The following PTPRT variants were observed in gnomAD, a reference collection of about 807,000 sequenced individuals.
PTPRT encodes the protein protein tyrosine phosphatase receptor type T.
In PTPRT, 56 loss-of-function variants were observed where a neutral mutation model predicts 176.8. That is an observed-to-expected ratio of 0.32 (90% CI 0.26 to 0.40). The LOEUF is 0.40. Among genes scored for constraint, PTPRT ranks in the 10% least tolerant of loss-of-function variants. PTPRT has a pLI of 1.00. For missense variants in PTPRT, 1,540 were observed against 1,908.2 expected (o/e 0.81, Z 3.60); for synonymous variants, 783 against 739.0 (o/e 1.06, Z -0.96).
chr20:42,890,363 T>G (rs1357399340), intron 1 of PTPRT, among the ~76,000 whole-genome samples: 1 of 152,182 alleles, frequency 6.6e-6, no homozygotes, highest in Admixed American at 6.5e-5. Context: ...CAATAGCAAC[T>G]GACACTGACA....
intron 3 of PTPRT, among the ~76,000 whole-genome samples, chr20:42,784,050 C>T (rs1318663218): frequency 6.6e-6 from 1 of 152,142 alleles, no homozygotes; most frequent in Non-Finnish European, 1.5e-5. Context: ...ATTGCACATG[C>T]TCCAGCCCAT....
At chr20:43,133,513 AG>A (rs1167664281) in intron 1 of PTPRT, among the ~76,000 whole-genome samples, 1 of 152,112 alleles carries the variant, frequency 6.6e-6, no homozygotes, top group African/African-American at 2.4e-5. Flanking sequence ...TGGGAGGCCG[AG>A]GCAGGCGGAT....
intron 16 of PTPRT, among the ~76,000 whole-genome samples, chr20:42,180,733 G>T (rs900429181): frequency 1.3e-5 from 2 of 152,180 alleles, no homozygotes; most frequent in Non-Finnish European, 2.9e-5. Flanking sequence ...TGCAATCTTA[G>T]AAATCAGTGG....
At chr20:42,734,333 C>A (rs1235081032) in intron 6 of PTPRT, among the ~76,000 whole-genome samples, 1 of 152,194 alleles carries the variant, frequency 6.6e-6, no homozygotes, top group Admixed American at 6.5e-5. Context: ...TAAAGGACCA[C>A]TCTTAGCCCT....
At chr20:42,836,216 G>C (rs1020813428) in intron 2 of PTPRT, among the ~76,000 whole-genome samples, 1 of 151,828 alleles carries the variant, frequency 6.6e-6, no homozygotes, top group African/African-American at 2.4e-5. Context: ...TCCTCTCCCC[G>C]CCTCCCACAT....
intron 27 of PTPRT, among the ~76,000 whole-genome samples, chr20:42,086,393 C>A (rs1051133707): frequency 1.3e-4 from 20 of 152,202 alleles, no homozygotes; most frequent in Middle Eastern, 6.8e-3. Flanking sequence ...ACTGGGCTTG[C>A]AAATCTTTGC....
At chr20:42,676,542 T>TCTCG (rs1465667487) in intron 7 of PTPRT, among the ~76,000 whole-genome samples, 1 of 48,410 alleles carries the variant, frequency 2.1e-5, no homozygotes, top group Non-Finnish European at 3.6e-5. Flanking sequence ...TACAATGCTC[T>TCTCG]CTCTCTCTCT....
intron 22 of PTPRT, 150 bp downstream of exon 22, chr20:42,115,049 G>A: frequency 1.7e-6 from 1 of 603,370 alleles, no homozygotes; most frequent in Non-Finnish European, 3.0e-6. Flanking sequence ...CCTGGTAGCA[G>A]GACCCATGTC....
chr20:42,268,219 C>T (rs2056871723), intron 13 of PTPRT, among the ~76,000 whole-genome samples: 1 of 152,190 alleles, frequency 6.6e-6, no homozygotes, highest in South Asian at 2.1e-4. Context: ...CACTCACAGG[C>T]ACCTCACCCA....
intron 15 of PTPRT, 146 bp downstream of exon 15, chr20:42,236,083 T>G: frequency 3.2e-6 from 2 of 618,210 alleles, no homozygotes; most frequent in Non-Finnish European, 5.5e-6. Context: ...GTAACACATT[T>G]ATGCAAAATA....
intron 1 of PTPRT, among the ~76,000 whole-genome samples, chr20:43,185,100 T>G (rs1302648488): frequency 6.6e-6 from 1 of 152,222 alleles, no homozygotes; most frequent in Non-Finnish European, 1.5e-5. Flanking sequence ...GAATCCATTC[T>G]GTAAGATTTC....
At chr20:43,100,708 T>C (rs1432053635) in intron 1 of PTPRT, among the ~76,000 whole-genome samples, 4 of 152,114 alleles carry the variant, frequency 2.6e-5, no homozygotes. Context: ...CACAGCCTAA[T>C]GGGGAAAAGA....
At chr20:43,006,649 T>C (rs1043610524) in intron 1 of PTPRT, among the ~76,000 whole-genome samples, 1 of 152,266 alleles carries the variant, frequency 6.6e-6, no homozygotes, top group African/African-American at 2.4e-5. Flanking sequence ...TGAACTGTCT[T>C]TGTTTTTCTC....
At chr20:42,831,217 T>C (rs1338770132) in intron 2 of PTPRT, among the ~76,000 whole-genome samples, 1 of 152,006 alleles carries the variant, frequency 6.6e-6, no homozygotes, top group Admixed American at 6.6e-5. Context: ...AGCCCAGAAG[T>C]AAGGCCCCAC....
At chr20:42,687,998 T>A (rs750606380) in intron 6 of PTPRT, 1 of 151,946 alleles carries the variant, frequency 6.6e-6, no homozygotes, top group East Asian at 1.9e-4. Context: ...ACTAAAGGAG[T>A]GTGCTAGTAT....
At chr20:42,116,069 G>A in intron 21 of PTPRT, 1 of 725,640 alleles carries the variant, frequency 1.4e-6, no homozygotes, top group Admixed American at 1.9e-5. Context: ...GGCCTAGAGT[G>A]GCATTTCCCA....
chr20:42,541,504 G>A (rs533205531), intron 7 of PTPRT, among the ~76,000 whole-genome samples: 7 of 144,338 alleles, frequency 4.8e-5, no homozygotes, highest in Admixed American at 2.0e-4. Flanking sequence ...TAGTACTAGT[G>A]TACTAGTAAA....
intron 7 of PTPRT, among the ~76,000 whole-genome samples, chr20:42,541,344 T>C (rs185363209): frequency 6.6e-6 from 1 of 152,258 alleles, no homozygotes; most frequent in Admixed American, 6.5e-5. Context: ...AAGCATACTT[T>C]ACATTTCAGT....
In PTPRT at chr20:43,189,588, G is replaced by T; in HGVS notation, c.88+58C>A. The T allele has an allele frequency of 8.9e-7, 1 of 1,125,662 alleles. No homozygotes were observed. Among genetic ancestry groups the T allele is most frequent in the African/African-American group, 1.6e-5 (1 of 61,948 alleles). 69.7% of individuals were successfully genotyped at this position (1,125,662 alleles called of 1,614,324 possible). ...TCCTCCGAGGGCCCCGCGGCTGGGGGCCCGCGCGCATCCAGGAGGGAGCGG... is the reference window on the plus strand; with the variant it reads ...TCCTCCGAGGGCCCCGCGGCTGGGGTCCCGCGCGCATCCAGGAGGGAGCGG... On this transcript the variant is annotated intron_variant, in intron 1 of 30. Transcript: ENST00000373187. The surrounding 1 kb of genome is among the most constrained non-coding windows in gnomAD (Gnocchi z 5.0).
Sources: allele counts gnomAD v4.1 joint callset (sites outside exome capture counted in the v4.1 genomes callset), GRCh38; gene constraint gnomAD v4.1.1; non-coding constraint Gnocchi (gnomAD v3.1); transcripts MANE v1.5; gene names NCBI Gene and HGNC (gene_info 2026-07-23, HGNC 2026-07-21).